The following C1orf202 variants were observed in gnomAD, a reference collection of about 807,000 sequenced individuals.
C1orf202 encodes the protein chromosome 1 open reading frame 202.
the C1orf202 span, chr1:244,730,324 C>A: frequency 3.7e-6 from 1 of 267,152 alleles, no homozygotes; most frequent in Non-Finnish European, 7.0e-6. Flanking sequence ...CATGCACATC[C>A]CCCCAACATT....
the C1orf202 span, chr1:244,730,443 G>A: frequency 6.4e-4 from 223 of 350,306 alleles, 1 homozygote; most frequent in Non-Finnish European, 9.8e-4. Flanking sequence ...ACGGGGGACC[G>A]GCTCCTCGTG....
chr1:244,730,725 T>G, the C1orf202 span: 4 of 383,356 alleles, frequency 1.0e-5, no homozygotes, highest in East Asian at 7.4e-5. Context: ...TGCCTGAGCT[T>G]CTTCCTGCGC....
the C1orf202 span, chr1:244,730,229 T>A: frequency 8.9e-6 from 2 of 224,034 alleles, no homozygotes; most frequent in Non-Finnish European, 8.6e-6. Flanking sequence ...TAGTTACTGC[T>A]CCGAGGCCCT....
the C1orf202 span, chr1:244,730,637 C>T: frequency 2.6e-6 from 1 of 386,010 alleles, no homozygotes. Context: ...CGTCGCCAGC[C>T]TCTGAAGCAG....
the C1orf202 span, chr1:244,730,885 G>A: frequency 5.2e-6 from 2 of 385,266 alleles, no homozygotes; most frequent in Non-Finnish European, 9.2e-6. Context: ...CGTGCTGCGC[G>A]CCGCCGCGCC....
chr1:244,730,322 T>TC, the C1orf202 span: 5 of 262,864 alleles, frequency 1.9e-5, no homozygotes, highest in African/African-American at 9.1e-5. Flanking sequence ...TCCATGCACA[T>TC]CCCCCCAACA....
At chr1:244,730,549 C>A in the C1orf202 span, 22 of 370,808 alleles carry the variant, frequency 5.9e-5, no homozygotes, top group East Asian at 8.5e-4. Flanking sequence ...GGCCGCCCTG[C>A]GCGCGGTCCA....
At chr1:244,730,631 G>A in the C1orf202 span, 4 of 385,278 alleles carry the variant, frequency 1.0e-5, no homozygotes, top group Non-Finnish European at 1.4e-5. Context: ...CCTCCACGTC[G>A]CCAGCCTCTG....
the C1orf202 span, chr1:244,730,901 C>T: frequency 2.6e-6 from 1 of 384,936 alleles, no homozygotes; most frequent in Non-Finnish European, 4.6e-6. Context: ...GCGCCGGGGG[C>T]CACCAAACCG....
At chr1:244,730,696 G>C in the C1orf202 span, 6 of 383,778 alleles carry the variant, frequency 1.6e-5, no homozygotes, top group Admixed American at 9.1e-5. Flanking sequence ...GGGCCTCCTT[G>C]CCTGCGCGCG....
chr1:244,730,608 G>C, the C1orf202 span: 1 of 383,196 alleles, frequency 2.6e-6, no homozygotes, highest in African/African-American at 2.1e-5. Flanking sequence ...TCCTTGCGCC[G>C]CAGGTAGCGC....
the C1orf202 span, chr1:244,730,662 AG>A: frequency 2.6e-6 from 1 of 384,590 alleles, no homozygotes; most frequent in East Asian, 3.7e-5. Context: ...TGCAGGCTCG[AG>A]GGGCCCCACA....
chr1:244,730,381 C>T, the C1orf202 span: 3 of 343,206 alleles, frequency 8.7e-6, no homozygotes, highest in Non-Finnish European at 1.6e-5. Flanking sequence ...TCATTTATTG[C>T]TTTTGTTGAC....
the C1orf202 span, chr1:244,730,801 G>A: frequency 5.3e-6 from 2 of 377,502 alleles, no homozygotes; most frequent in Non-Finnish European, 9.4e-6. Flanking sequence ...CGGCCACCGC[G>A]CGCCGCCCGA....
chr1:244,730,891 G>A, the C1orf202 span: 6 of 385,118 alleles, frequency 1.6e-5, no homozygotes, highest in Admixed American at 2.3e-4. Flanking sequence ...GCGCGCCGCC[G>A]CGCCGGGGGC....
chr1:244,730,911 G>A, the C1orf202 span: 4 of 383,516 alleles, frequency 1.0e-5, no homozygotes, highest in Admixed American at 4.5e-5. Flanking sequence ...CCACCAAACC[G>A]GGGGGCCGCC....
At chr1:244,730,416 C>T in the C1orf202 span, 2 of 357,576 alleles carry the variant, frequency 5.6e-6, no homozygotes, top group African/African-American at 2.1e-5. Flanking sequence ...CAATCCTGAG[C>T]GTGCACAGGG....
chr1:244,730,653 G>A, the C1orf202 span: 2 of 384,960 alleles, frequency 5.2e-6, no homozygotes. Context: ...AGCAGCCTCT[G>A]CAGGCTCGAG....
At chr1:244,730,333 T>TTGCA in the C1orf202 span, 2 of 272,546 alleles carry the variant, frequency 7.3e-6, no homozygotes, top group African/African-American at 4.5e-5. Flanking sequence ...CCCCCCAACA[T>TTGCA]TGCATGTGCT....
Sources: gnomAD v4.1 joint callset for allele counts on GRCh38, gnomAD v4.1.1 for gene constraint, MANE v1.5 for transcripts, NCBI Gene and HGNC (gene_info 2026-07-23, HGNC 2026-07-21) for gene names.